Variants in PDE10A observed in about 807,000 individuals in gnomAD.
PDE10A encodes the protein phosphodiesterase 10A.
In PDE10A, 39 loss-of-function variants were observed where a neutral mutation model predicts 97.7. The ratio of observed to expected loss-of-function variants is 0.40; its 90% CI spans 0.31 to 0.52. The LOEUF (loss-of-function observed/expected upper bound fraction) is 0.52. Ranked by LOEUF, PDE10A falls within the 20% of genes least tolerant of loss-of-function variation. The pLI, the probability that PDE10A is intolerant of heterozygous loss-of-function variation, is 0.56. For synonymous variants in PDE10A, 371 were observed against 376.8 expected (o/e 0.98, Z 0.18); for missense variants, 731 against 1,047.8 (o/e 0.70, Z 4.17).
intron 1 of PDE10A, among the ~76,000 whole-genome samples, chr6:165,946,498 TAAA>T (rs57063900): frequency 0.54 from 69,044 of 128,508 alleles, 17,649 homozygotes; most frequent in African/African-American, 0.72. Flanking sequence ...TATCTCAAAA[TAAA>T]AAAAAAAAAA....
intron 21 of PDE10A, 94 bp downstream of exon 21, chr6:165,336,029 A>G: frequency 1.0e-6 from 1 of 978,918 alleles, no homozygotes; most frequent in Non-Finnish European, 1.6e-6. Flanking sequence ...AGACAAACAC[A>G]CAGACCACAA....
chr6:165,871,888 A>G (rs1361962127), intron 1 of PDE10A, among the ~76,000 whole-genome samples: 1 of 152,224 alleles, frequency 6.6e-6, no homozygotes, highest in African/African-American at 2.4e-5. Flanking sequence ...GGGCAAGAGG[A>G]GATAGGATCG....
intron 18 of PDE10A, among the ~76,000 whole-genome samples, chr6:165,374,401 T>G (rs1208331356): frequency 6.6e-6 from 1 of 151,974 alleles, no homozygotes; most frequent in Non-Finnish European, 1.5e-5. Flanking sequence ...TGTAAAGAAA[T>G]ATGTGTAATA....
At chr6:165,551,687 T>C (rs1369869682) in intron 1 of PDE10A, among the ~76,000 whole-genome samples, 3 of 152,198 alleles carry the variant, frequency 2.0e-5, no homozygotes, top group African/African-American at 7.2e-5. Context: ...TCCTCCCGTC[T>C]GAGGTTATTA....
chr6:165,687,040 G>A (rs1791139697), intron 1 of PDE10A, among the ~76,000 whole-genome samples: 1 of 152,250 alleles, frequency 6.6e-6, no homozygotes, highest in Admixed American at 6.5e-5. Context: ...CAGAAGAGCT[G>A]GGGAGAGACC....
intron 2 of PDE10A, among the ~76,000 whole-genome samples, chr6:165,486,935 A>C (rs531976418): frequency 6.6e-6 from 1 of 152,334 alleles, no homozygotes; most frequent in Admixed American, 6.5e-5. Flanking sequence ...ACATGTTTCA[A>C]ACATTAGCAG....
intron 3 of PDE10A, among the ~76,000 whole-genome samples, chr6:165,466,532 C>T (rs763414501): frequency 6.6e-6 from 1 of 152,170 alleles, no homozygotes; most frequent in Non-Finnish European, 1.5e-5. Flanking sequence ...GCGTGGCAAC[C>T]CTGCATCAAA....
At chr6:165,484,896 A>T (rs1779812595) in intron 2 of PDE10A, among the ~76,000 whole-genome samples, 1 of 152,166 alleles carries the variant, frequency 6.6e-6, no homozygotes, top group Non-Finnish European at 1.5e-5. Context: ...GGAAGCCCAC[A>T]AGCCAACCCT....
intron 1 of PDE10A, among the ~76,000 whole-genome samples, chr6:165,801,820 G>A (rs948036506): frequency 1.4e-4 from 21 of 152,286 alleles, no homozygotes; most frequent in South Asian, 6.2e-4. Context: ...AGAGAGTGGT[G>A]CAGGAGAGAA....
At chr6:165,646,667 G>A (rs903347464) in intron 1 of PDE10A, among the ~76,000 whole-genome samples, 1 of 152,180 alleles carries the variant, frequency 6.6e-6, no homozygotes, top group Admixed American at 6.5e-5. Context: ...AAAGACAGGC[G>A]AGCAGGAGTC....
chr6:165,467,458 G>C (rs545795034), intron 3 of PDE10A, among the ~76,000 whole-genome samples: 32 of 152,288 alleles, frequency 2.1e-4, no homozygotes, highest in Non-Finnish European at 4.3e-4. Flanking sequence ...ATGACTTTAA[G>C]TTGAATCTAA....
At chr6:165,774,585 ATATG>A (rs1778113730) in intron 1 of PDE10A, among the ~76,000 whole-genome samples, 1 of 147,872 alleles carries the variant, frequency 6.8e-6, no homozygotes, top group Admixed American at 6.8e-5. Context: ...TTTATATACT[ATATG>A]TATATAGTAT....
At chr6:165,577,568 G>C (rs180790164) in intron 1 of PDE10A, among the ~76,000 whole-genome samples, 2 of 152,288 alleles carry the variant, frequency 1.3e-5, no homozygotes, top group Non-Finnish European at 2.9e-5. Context: ...AGCTGCCAAT[G>C]GGCTTTACAC....
At chr6:165,841,687 G>A (rs564339925) in intron 1 of PDE10A, among the ~76,000 whole-genome samples, 1 of 152,310 alleles carries the variant, frequency 6.6e-6, no homozygotes, top group Admixed American at 6.5e-5. Context: ...GGAGGAAAAA[G>A]ACCCCATGGG....
chr6:165,793,182 C>G (rs758462150), intron 1 of PDE10A, among the ~76,000 whole-genome samples: 8 of 152,102 alleles, frequency 5.3e-5, no homozygotes, highest in Non-Finnish European at 1.2e-4. Context: ...CACTGAGGTT[C>G]GGGCTGAGAA....
intron 1 of PDE10A, among the ~76,000 whole-genome samples, chr6:165,548,274 CTCTT>C (rs1438482034): frequency 1.3e-4 from 17 of 128,114 alleles, no homozygotes; most frequent in African/African-American, 4.9e-4. Context: ...GGCTTTAAAT[CTCTT>C]TTTTTTTTTT....
intron 13 of PDE10A, among the ~76,000 whole-genome samples, chr6:165,411,534 C>A (rs1009732977): frequency 2.0e-5 from 3 of 152,144 alleles, no homozygotes; most frequent in Admixed American, 6.5e-5. Flanking sequence ...GGACTTCCAG[C>A]CTCCAAAACT....
chr6:165,478,403 G>T (rs1024941312), intron 3 of PDE10A, among the ~76,000 whole-genome samples: 1 of 152,058 alleles, frequency 6.6e-6, no homozygotes. Flanking sequence ...AGGCAATGAT[G>T]GGGGGGAGGG....
intron 1 of PDE10A, among the ~76,000 whole-genome samples, chr6:165,963,458 C>A (rs565402852): frequency 2.0e-5 from 3 of 152,310 alleles, no homozygotes; most frequent in Admixed American, 2.0e-4. Flanking sequence ...GAGGGAATGC[C>A]TGCTGTGCGA....
Sources: allele counts gnomAD v4.1 joint callset (sites outside exome capture counted in the v4.1 genomes callset), GRCh38; gene constraint gnomAD v4.1.1; transcripts MANE v1.5; gene names NCBI Gene and HGNC (gene_info 2026-07-23, HGNC 2026-07-21).